ROBO1: variants seen among roughly 807,000 people sequenced by gnomAD.
ROBO1 encodes the protein roundabout guidance receptor 1, also known as roundabout homolog 1.
ROBO1 carries 149 observed loss-of-function variants against 195.9 expected under a neutral mutation model. The observed-to-expected ratio is 0.76, with a 90% confidence interval of 0.67 to 0.87. The LOEUF is 0.87. ROBO1 is among the 40% of genes least tolerant of loss of function. The probability of loss-of-function intolerance (pLI) is 0.00; values close to 1 mark genes in which losing one functional copy is unlikely to be tolerated. For synonymous variants in ROBO1, 816 were observed against 733.2 expected (o/e 1.11, Z -1.82); for missense variants, 1,933 against 2,068.3 (o/e 0.93, Z 1.27).
rs370898502 is a variant in ROBO1, at chr3:79,150,155, T to C, written c.89-24616A>G. On this transcript the variant is annotated intron_variant, in intron 2 of 30. Coordinates refer to ENST00000464233, the MANE Select transcript of ROBO1 (RefSeq NM_002941.4). ...TTTTTGCTCCAATTAGTTGTTTCTC[T>C]CTGTATCTGCCTATGTATGTCTCTA... Among the ~76,000 whole-genome samples the C allele has an allele frequency of 3.3e-4, 50 of 151,838 alleles. 1 individual carries two copies. Among genetic ancestry groups the C allele is most frequent in the African/African-American group, 1.2e-3 (48 of 41,422 alleles).
chr3:79,037,785 C>A (rs1447578335), intron 3 of ROBO1, among the ~76,000 whole-genome samples: 1 of 152,148 alleles, frequency 6.6e-6, no homozygotes, highest in African/African-American at 2.4e-5. Context: ...TTTTACATTA[C>A]ATTTTATGTT....
intron 2 of ROBO1, among the ~76,000 whole-genome samples, chr3:79,229,052 C>T (rs1029680150): frequency 1.3e-5 from 2 of 151,906 alleles, no homozygotes; most frequent in African/African-American, 4.8e-5. Flanking sequence ...TGCAAATCAC[C>T]ATAAGAAAAA....
At chr3:78,986,416 T>C (rs1365545908) in intron 3 of ROBO1, among the ~76,000 whole-genome samples, 2 of 151,622 alleles carry the variant, frequency 1.3e-5, no homozygotes, top group Admixed American at 1.3e-4. Context: ...TCCTGAGTTG[T>C]GGATGCAAAC....
At chr3:78,691,482 A>G (rs528312063) in intron 8 of ROBO1, among the ~76,000 whole-genome samples, 6 of 152,252 alleles carry the variant, frequency 3.9e-5, no homozygotes, top group African/African-American at 1.4e-4. Flanking sequence ...AAACAAGCAA[A>G]TTACCTTTAA....
At chr3:79,414,907 T>C (rs1309282268) in intron 2 of ROBO1, among the ~76,000 whole-genome samples, 1 of 152,156 alleles carries the variant, frequency 6.6e-6, no homozygotes, top group Non-Finnish European at 1.5e-5. Context: ...AAATTGCACA[T>C]GTCCAGAGCT....
chr3:78,888,198 G>A (rs953826285), intron 4 of ROBO1, among the ~76,000 whole-genome samples: 5 of 152,134 alleles, frequency 3.3e-5, no homozygotes, highest in African/African-American at 4.8e-5. Flanking sequence ...TTCCGACAAA[G>A]TCAACTACTG....
At chr3:79,070,803 AACAT>A (rs2079074918) in intron 3 of ROBO1, among the ~76,000 whole-genome samples, 1 of 151,806 alleles carries the variant, frequency 6.6e-6, no homozygotes, top group Non-Finnish European at 1.5e-5. Context: ...ACTTTCAGCC[AACAT>A]ACTCATGTGT....
intron 4 of ROBO1, among the ~76,000 whole-genome samples, chr3:78,807,819 T>C (rs984830083): frequency 1.3e-5 from 2 of 152,186 alleles, no homozygotes; most frequent in African/African-American, 2.4e-5. Flanking sequence ...GATGAGGGAA[T>C]GAAGAGAGGG....
At chr3:79,670,277 A>G (rs1576206867) in intron 1 of ROBO1, among the ~76,000 whole-genome samples, 2 of 152,020 alleles carry the variant, frequency 1.3e-5, no homozygotes, top group East Asian at 3.9e-4. Flanking sequence ...AAAGATGTGC[A>G]TTTTGTACTT....
chr3:78,859,055 T>C (rs1357344569), intron 4 of ROBO1, among the ~76,000 whole-genome samples: 2 of 152,146 alleles, frequency 1.3e-5, no homozygotes, highest in Non-Finnish European at 2.9e-5. Context: ...TCTTGTCCTA[T>C]GCCATGCAGG....
intron 4 of ROBO1, among the ~76,000 whole-genome samples, chr3:78,900,652 G>A (rs1399310122): frequency 6.6e-6 from 1 of 152,060 alleles, no homozygotes; most frequent in African/African-American, 2.4e-5. Flanking sequence ...TGCTTAATGA[G>A]TGTATATGCG....
intron 3 of ROBO1, among the ~76,000 whole-genome samples, chr3:79,049,871 G>A (rs1030696488): frequency 2.6e-5 from 4 of 152,074 alleles, no homozygotes; most frequent in African/African-American, 9.7e-5. Flanking sequence ...TACCAGACCT[G>A]CCCTACAAGA....
chr3:78,629,991 A>C lies in ROBO1; in HGVS notation c.3626+1170T>G, dbSNP rs1246076537. Among the ~76,000 whole-genome samples, 4 of 152,212 alleles carry C rather than the reference A, an allele frequency of 2.6e-5. No individual in the cohort carries two copies. In the East Asian group the frequency reaches 7.7e-4, roughly 29 times the overall value. On this transcript the variant is annotated intron_variant, in intron 25 of 30. Transcript: ENST00000464233. ...CTTTATATTAGTGATTTCCCTGCTT[A>C]AAATGGCCCTCAAAAGAAGTGCTGA...
chr3:79,225,041 A>G (rs2082201170), intron 2 of ROBO1, among the ~76,000 whole-genome samples: 1 of 152,186 alleles, frequency 6.6e-6, no homozygotes, highest in African/African-American at 2.4e-5. Context: ...AGGCGGTAAA[A>G]GAGTGAGCCA....
intron 2 of ROBO1, among the ~76,000 whole-genome samples, chr3:79,585,257 C>T (rs1319833200): frequency 6.6e-6 from 1 of 151,686 alleles, no homozygotes; most frequent in Admixed American, 6.6e-5. Context: ...TATAAAAGTC[C>T]AGCTACTTAA....
intron 3 of ROBO1, among the ~76,000 whole-genome samples, chr3:78,950,770 G>A (rs1358314479): frequency 2.0e-5 from 3 of 151,456 alleles, no homozygotes; most frequent in Non-Finnish European, 4.4e-5. Flanking sequence ...ATATCCATCT[G>A]CAAATGATTT....
chr3:79,536,547 G>A (rs1166299366), intron 2 of ROBO1, among the ~76,000 whole-genome samples: 1 of 152,118 alleles, frequency 6.6e-6, no homozygotes, highest in Non-Finnish European at 1.5e-5. Flanking sequence ...GTATTAATTT[G>A]ATTGCACACA....
intron 19 of ROBO1, among the ~76,000 whole-genome samples, chr3:78,648,183 AAC>A (rs1177556878): frequency 6.6e-6 from 1 of 152,046 alleles, no homozygotes; most frequent in South Asian, 2.1e-4. Context: ...CAAACAAACA[AAC>A]ACAACACAAG....
intron 29 of ROBO1, among the ~76,000 whole-genome samples, chr3:78,602,079 T>G (rs1228346259): frequency 6.6e-6 from 1 of 151,638 alleles, no homozygotes; most frequent in Non-Finnish European, 1.5e-5. Context: ...TATATATAGA[T>G]GAATGATATA....
Sources: gnomAD v4.1 joint callset for allele counts (sites outside exome capture counted in the v4.1 genomes callset) on GRCh38, gnomAD v4.1.1 for gene constraint, MANE v1.5 for transcripts, NCBI Gene and HGNC (gene_info 2026-07-23, HGNC 2026-07-21) for gene names.